Variants in FHOD3 observed in about 807,000 individuals in gnomAD.
FHOD3 encodes the protein FH1/FH2 domain-containing protein 3.
Under a neutral mutation model 173.0 loss-of-function variants are expected in FHOD3, and 90 were observed. That is an observed-to-expected ratio of 0.52 (90% confidence interval 0.44 to 0.62). The LOEUF is 0.62. Ranked by LOEUF, FHOD3 falls within the 20% of genes least tolerant of loss-of-function variation. FHOD3 has a pLI of 0.00. For synonymous variants in FHOD3, 828 were observed against 823.0 expected, an observed-to-expected ratio of 1.01 and a Z score of -0.10; for missense variants, 1,945 against 2,034.7, an observed-to-expected ratio of 0.96 and a Z score of 0.85.
intron 5 of FHOD3, among the ~76,000 whole-genome samples, chr18:36,516,373 G>A (rs959894805): frequency 3.3e-5 from 5 of 152,210 alleles, no homozygotes; most frequent in Non-Finnish European, 7.3e-5. Context: ...GAGGTGGGGG[G>A]AGAGGCAGAC....
At chr18:36,613,596 A>G (rs1237778935) in intron 9 of FHOD3, among the ~76,000 whole-genome samples, 1 of 152,188 alleles carries the variant, frequency 6.6e-6, no homozygotes, top group Non-Finnish European at 1.5e-5. Flanking sequence ...CCCTGAGGAC[A>G]TTCCACCAGT....
intron 16 of FHOD3, among the ~76,000 whole-genome samples, chr18:36,691,646 T>C (rs2038970356): frequency 6.6e-6 from 1 of 152,198 alleles, no homozygotes. Flanking sequence ...AGTGTTTGTG[T>C]CTACATATAC....
At chr18:36,681,354 T>C in intron 14 of FHOD3, 82 bp from the exon 15 acceptor site, 1 of 1,544,460 alleles carries the variant, frequency 6.5e-7, no homozygotes, top group African/African-American at 1.4e-5. Flanking sequence ...CCCTCAATTC[T>C]AACCAAGGTC....
intron 2 of FHOD3, among the ~76,000 whole-genome samples, chr18:36,365,277 AAATT>A (rs1334069583): frequency 4.6e-5 from 7 of 152,232 alleles, no homozygotes; most frequent in Admixed American, 2.0e-4. Flanking sequence ...GACTTCATAA[AAATT>A]AAAGCCTTTT....
intron 17 of FHOD3, 152 bp from the exon 18 acceptor site, chr18:36,708,943 T>A (rs965578581): frequency 2.1e-6 from 2 of 933,376 alleles, no homozygotes; most frequent in Non-Finnish European, 1.7e-6. Context: ...ATTGCCTCGA[T>A]GAGTGTTTGA....
chr18:36,346,220 G>T (rs1458180733), intron 1 of FHOD3, among the ~76,000 whole-genome samples: 1 of 152,084 alleles, frequency 6.6e-6, no homozygotes, highest in Non-Finnish European at 1.5e-5. Flanking sequence ...TAAAAAATTA[G>T]CCAGACGTGG....
At chr18:36,321,559 A>G (rs1277364268) in intron 1 of FHOD3, among the ~76,000 whole-genome samples, 1 of 152,142 alleles carries the variant, frequency 6.6e-6, no homozygotes, top group Non-Finnish European at 1.5e-5. Context: ...TTTGGAGTAT[A>G]TAGAGTGTTG....
intron 9 of FHOD3, among the ~76,000 whole-genome samples, chr18:36,614,824 G>C (rs532691119): frequency 1.0e-4 from 14 of 140,482 alleles, no homozygotes; most frequent in African/African-American, 3.4e-4. Context: ...CCGATCCTTT[G>C]CTCATTTTTT....
intron 5 of FHOD3, among the ~76,000 whole-genome samples, chr18:36,566,937 C>G (rs920145254): frequency 6.6e-6 from 1 of 152,114 alleles, no homozygotes; most frequent in Admixed American, 6.5e-5. Flanking sequence ...CAGTGTACTG[C>G]GTTTTCTGTT....
intron 2 of FHOD3, among the ~76,000 whole-genome samples, chr18:36,361,388 T>TA (rs889520750): frequency 1.3e-5 from 2 of 151,908 alleles, no homozygotes; most frequent in South Asian, 2.1e-4. Flanking sequence ...CTTGCTTTTT[T>TA]AAAAAAAGCT....
At position 36,717,830 on chromosome 18, in the gene FHOD3, A is replaced by C; in HGVS notation, c.2534-2A>C. The C allele has an allele frequency of 6.4e-7, 1 of 1,557,832 alleles. No individual in the cohort carries two copies. The highest frequency in any genetic ancestry group is 1.4e-5 in the African/African-American group (1 of 73,370). On this transcript the variant is annotated splice_acceptor_variant, in intron 18 of 28. Coordinates refer to ENST00000590592, the MANE Select transcript of FHOD3 (RefSeq NM_001281740.3). LOFTEE classifies it high-confidence loss of function. ...TCATTTTTCTCTCCCATGTACTTTC[A>C]GGTTTGTGGCCCGCAGGTGTCCAGG...
At chr18:36,400,570 C>T (rs111470095) in intron 3 of FHOD3, among the ~76,000 whole-genome samples, 1 of 152,156 alleles carries the variant, frequency 6.6e-6, no homozygotes, top group Non-Finnish European at 1.5e-5. Context: ...GAATCATGAG[C>T]GGTCTGAGAA....
rs1011104719 is a variant in FHOD3, at chr18:36,731,592, A to C, written c.3576+788A>C. On this transcript the variant is annotated intron_variant, in intron 20 of 28. Transcript: ENST00000590592. ...TGGGTGGCACCTAACCCATCCTCCT[A>C]TTGGCAGGGGGCCCCAGACTCCTTT... Among the ~76,000 whole-genome samples, 5 of 152,236 alleles carry C rather than the reference A, an allele frequency of 3.3e-5. No homozygotes were observed. In the South Asian group the frequency reaches 1.0e-3, roughly 32 times the overall value.
intron 1 of FHOD3, among the ~76,000 whole-genome samples, chr18:36,308,466 T>G (rs937632142): frequency 7.2e-5 from 11 of 152,198 alleles, no homozygotes; most frequent in African/African-American, 2.7e-4. Flanking sequence ...ACACTTGAAC[T>G]CAGAATACCA....
intron 1 of FHOD3, among the ~76,000 whole-genome samples, chr18:36,331,664 A>G (rs1333378763): frequency 6.6e-6 from 1 of 152,132 alleles, no homozygotes; most frequent in Admixed American, 6.5e-5. Context: ...TTGTTGGAGA[A>G]GGTGTGGTTG....
At chr18:36,469,676 C>T (rs976554265) in intron 3 of FHOD3, among the ~76,000 whole-genome samples, 1 of 152,150 alleles carries the variant, frequency 6.6e-6, no homozygotes, top group Non-Finnish European at 1.5e-5. Flanking sequence ...TCAGGCTCGG[C>T]AGGGGGTTGT....
At chr18:36,480,458 G>A (rs758389800) in intron 3 of FHOD3, among the ~76,000 whole-genome samples, 1 of 152,260 alleles carries the variant, frequency 6.6e-6, no homozygotes, top group Non-Finnish European at 1.5e-5. Context: ...CTCAATTTCA[G>A]TCCTTCTGAC....
chr18:36,626,448 A>G (rs1049754895), intron 10 of FHOD3, among the ~76,000 whole-genome samples: 1 of 152,200 alleles, frequency 6.6e-6, no homozygotes, highest in Non-Finnish European at 1.5e-5. Flanking sequence ...ATAAAGTTTG[A>G]CAAAATCTGC....
chr18:36,738,788 T>C (rs944380234), intron 20 of FHOD3, among the ~76,000 whole-genome samples: 2 of 152,264 alleles, frequency 1.3e-5, no homozygotes, highest in African/African-American at 4.8e-5. Flanking sequence ...CCCATCGATC[T>C]AGGTGTCTAT....
Sources: allele counts gnomAD v4.1 joint callset (sites outside exome capture counted in the v4.1 genomes callset), GRCh38; gene constraint gnomAD v4.1.1; transcripts MANE v1.5; gene names NCBI Gene and HGNC (gene_info 2026-07-23, HGNC 2026-07-21).